SAP30BP: variants seen among roughly 807,000 people sequenced by gnomAD.
SAP30BP encodes the protein SAP30 binding protein, also known as SAP30-binding protein.
Under a neutral mutation model 46.3 loss-of-function variants are expected in SAP30BP, and 31 were observed. That is an observed-to-expected ratio of 0.67 (90% CI 0.50 to 0.90). The LOEUF is 0.90. SAP30BP is among the 40% of genes least tolerant of loss of function. The pLI is 0.00. For missense variants in SAP30BP, 312 were observed against 391.0 expected (o/e 0.80, Z 1.70); for synonymous variants, 169 against 144.2 (o/e 1.17, Z -1.23).
chr17:75,676,821 A>G (rs2059997078), intron 3 of SAP30BP, among the ~76,000 whole-genome samples: 1 of 152,174 alleles, frequency 6.6e-6, no homozygotes, highest in African/African-American at 2.4e-5. Flanking sequence ...CTAGTTTATA[A>G]ATTAAACTTT....
chr17:75,706,564 G>C lies in SAP30BP; in HGVS notation c.*43G>C. The C allele has an allele frequency of 6.3e-7, 1 of 1,576,004 alleles. No homozygotes were observed. The highest frequency in any genetic ancestry group is 8.7e-7 in the Non-Finnish European group (1 of 1,148,714). On this transcript the variant is annotated 3_prime_UTR_variant, in exon 11 of 11. Transcript: ENST00000584667. The surrounding 1 kb of genome is among the most constrained non-coding windows in gnomAD (Gnocchi z 4.6). ...GGACTTGAAAGGACCGTGCAGCCCAGTGACCACTGCCCAGTGGGAGGCGCC... is the reference window on the plus strand; with the variant it reads ...GGACTTGAAAGGACCGTGCAGCCCACTGACCACTGCCCAGTGGGAGGCGCC...
chr17:75,699,754 T>C, intron 4 of SAP30BP, 29 bp from the exon 5 acceptor site: 1 of 1,539,194 alleles, frequency 6.5e-7, no homozygotes, highest in Non-Finnish European at 9.0e-7. Flanking sequence ...AATCCCCACC[T>C]ACAGAATTTT....
chr17:75,670,225 G>A (rs886676384), intron 2 of SAP30BP, among the ~76,000 whole-genome samples: 2 of 152,032 alleles, frequency 1.3e-5, no homozygotes, highest in South Asian at 2.1e-4. Flanking sequence ...GGGAGGCTGA[G>A]GCAGGAGAAT....
At chr17:75,689,021 G>A (rs1312134023) in intron 3 of SAP30BP, among the ~76,000 whole-genome samples, 4 of 152,088 alleles carry the variant, frequency 2.6e-5, no homozygotes, top group African/African-American at 7.2e-5. Flanking sequence ...GTGGATGAGG[G>A]GTGCAGGCAG....
At position 75,699,505 on chromosome 17, in the gene SAP30BP, T is replaced by TAA. The variant is rs56285842; in HGVS notation, c.308-262_308-261dup. Among the ~76,000 whole-genome samples, 64 of 134,020 alleles carry TAA rather than the reference T, an allele frequency of 4.8e-4. 1 individual carries two copies. The highest frequency in any genetic ancestry group is 6.6e-4 in the African/African-American group (24 of 36,446). 87.9% of individuals were successfully genotyped at this position (134,020 alleles called of 152,430 possible). A position where few individuals can be genotyped will look rare whatever the true frequency, so the allele number is the denominator to read the frequency against. On this transcript the variant is annotated intron_variant, in intron 4 of 10. Coordinates refer to ENST00000584667, the MANE Select transcript of SAP30BP (RefSeq NM_013260.8). Reference sequence around the variant, plus strand: ...CCGCACCCAGCTGACCCCGTCTCTTTAAAAAAAAAAAAAAAAACGGAAAAG... The same window carrying TAA: ...CCGCACCCAGCTGACCCCGTCTCTTTAAAAAAAAAAAAAAAAAAACGGAAAAG...
chr17:75,686,163 A>G (rs2060152974), intron 3 of SAP30BP, among the ~76,000 whole-genome samples: 1 of 152,156 alleles, frequency 6.6e-6, no homozygotes. Context: ...TACAAGGCCA[A>G]TTCTATAGCC....
At chr17:75,694,113 G>A (rs2060279522) in intron 4 of SAP30BP, among the ~76,000 whole-genome samples, 1 of 152,142 alleles carries the variant, frequency 6.6e-6, no homozygotes, top group South Asian at 2.1e-4. Flanking sequence ...TCTTGGTGGG[G>A]TTGGCCCTCC....
At chr17:75,693,410 T>C (rs2060268251) in intron 3 of SAP30BP, 30 bp from the exon 4 acceptor site, 3 of 1,606,422 alleles carry the variant, frequency 1.9e-6, no homozygotes, top group Non-Finnish European at 2.6e-6. Context: ...GCCCCAGTCT[T>C]ACCTCCTCGT....
At chr17:75,682,961 CAA>C (rs770262344) in intron 3 of SAP30BP, among the ~76,000 whole-genome samples, 9 of 64,150 alleles carry the variant, frequency 1.4e-4, no homozygotes, top group African/African-American at 1.7e-4. Context: ...GACTTCGTCT[CAA>C]AAAAAAAAAA....
chr17:75,698,302 T>G (rs548762054), intron 4 of SAP30BP, among the ~76,000 whole-genome samples: 2 of 152,322 alleles, frequency 1.3e-5, no homozygotes, highest in Non-Finnish European at 2.9e-5. Context: ...GAGAGTTGAT[T>G]GGTTTATTTT....
intron 3 of SAP30BP, among the ~76,000 whole-genome samples, chr17:75,681,560 A>G (rs547826509): frequency 4.5e-4 from 69 of 152,290 alleles, no homozygotes; most frequent in Admixed American, 2.5e-3. Context: ...ATATCTGAAA[A>G]CTGCCTAAGG....
At chr17:75,694,697 G>A (rs947763918) in intron 4 of SAP30BP, among the ~76,000 whole-genome samples, 5 of 152,174 alleles carry the variant, frequency 3.3e-5, no homozygotes, top group African/African-American at 7.2e-5. Context: ...CACCCGAGCC[G>A]ACCCTGCTGT....
chr17:75,699,090 G>T (rs2060365969), intron 4 of SAP30BP, among the ~76,000 whole-genome samples: 1 of 152,222 alleles, frequency 6.6e-6, no homozygotes. Flanking sequence ...TACTCAGGAG[G>T]CTGAGACAGG....
At chr17:75,693,196 C>T (rs1174363432) in intron 3 of SAP30BP, 1 of 493,632 alleles carries the variant, frequency 2.0e-6, no homozygotes, top group Non-Finnish European at 3.7e-6. Context: ...TGGGTTTGGT[C>T]ACTGAAAAGG....
rs2060489454 is a variant in SAP30BP, at chr17:75,705,915, G to A, written c.661-93G>A. The A allele has an allele frequency of 3.2e-6, 5 of 1,554,636 alleles. No individual in the cohort carries two copies. The Admixed American group carries it at 8.5e-5, about 26-fold the overall frequency. On this transcript the variant is annotated intron_variant, in intron 9 of 10. Coordinates refer to ENST00000584667, the MANE Select transcript of SAP30BP (RefSeq NM_013260.8). ...ATTTCCAATGCCTCTTTTGTGTAGT[G>A]CCAAGCTCCTGTCCCCCAGGAGCTG...
At chr17:75,688,309 C>G (rs1345868503) in intron 3 of SAP30BP, among the ~76,000 whole-genome samples, 1 of 152,202 alleles carries the variant, frequency 6.6e-6, no homozygotes, top group African/African-American at 2.4e-5. Context: ...AGGCCATGGG[C>G]TGTCCCAGGT....
chr17:75,697,751 C>T (rs2060344759), intron 4 of SAP30BP, among the ~76,000 whole-genome samples: 1 of 152,224 alleles, frequency 6.6e-6, no homozygotes, highest in South Asian at 2.1e-4. Flanking sequence ...TATCCTGCAG[C>T]AGCTGGACTG....
At chr17:75,686,752 G>A (rs2060163679) in intron 3 of SAP30BP, among the ~76,000 whole-genome samples, 1 of 152,168 alleles carries the variant, frequency 6.6e-6, no homozygotes. Context: ...TGCTAGCAAT[G>A]GGCTTTCTCC....
intron 3 of SAP30BP, among the ~76,000 whole-genome samples, chr17:75,686,814 C>G (rs2060164367): frequency 6.6e-6 from 1 of 152,214 alleles, no homozygotes; most frequent in Non-Finnish European, 1.5e-5. Flanking sequence ...TGGGATGTTC[C>G]CATGCAGCAT....
Sources: allele counts gnomAD v4.1 joint callset (sites outside exome capture counted in the v4.1 genomes callset), GRCh38; gene constraint gnomAD v4.1.1; non-coding constraint Gnocchi (gnomAD v3.1); transcripts MANE v1.5; gene names NCBI Gene and HGNC (gene_info 2026-07-23, HGNC 2026-07-21).